Variants in MICU1 observed in about 807,000 individuals in gnomAD.
MICU1 encodes the protein mitochondrial calcium uptake 1.
MICU1 carries 45 observed loss-of-function variants against 56.8 expected under a neutral mutation model. The ratio of observed to expected loss-of-function variants is 0.79; its 90% confidence interval spans 0.62 to 1.02. The LOEUF (loss-of-function observed/expected upper bound fraction) is 1.02. MICU1 is among the 50% of genes least tolerant of loss of function. The pLI is 0.00. For missense variants in MICU1, 504 were observed against 587.1 expected, an observed-to-expected ratio of 0.86 and a Z score of 1.46; for synonymous variants, 186 against 195.1, an observed-to-expected ratio of 0.95 and a Z score of 0.39.
chr10:72,543,729 C>A (rs1839830137), intron 4 of MICU1, among the ~76,000 whole-genome samples: 1 of 151,986 alleles, frequency 6.6e-6, no homozygotes, highest in Non-Finnish European at 1.5e-5. Context: ...GTGGCAGGCG[C>A]CTGTAGTCCC....
intron 6 of MICU1, among the ~76,000 whole-genome samples, chr10:72,478,642 CT>C (rs1866195262): frequency 6.6e-6 from 1 of 152,190 alleles, no homozygotes. Context: ...TCCCATCCTG[CT>C]CATGAATTTG....
intron 2 of MICU1, among the ~76,000 whole-genome samples, chr10:72,564,375 T>C (rs1434202889): frequency 1.3e-5 from 2 of 151,848 alleles, no homozygotes; most frequent in African/African-American, 4.8e-5. Context: ...AAACCATCTC[T>C]ACTAAAAATA....
Position 72,470,045 on chromosome 10 carries a change from C to T in MICU1, c.933+5055G>A, listed in dbSNP as rs146597000. 2.8e-3 allele frequency among the ~76,000 whole-genome samples: 420 copies of T among 152,262 alleles called. 1 individual carries two copies. Among genetic ancestry groups the T allele is most frequent in the African/African-American group, 9.6e-3 (399 of 41,570 alleles). ...GAGATACTGGGGGTTGGGACATCAACGTAGGAATTTTGGAATTTTGATGGG... is the reference window on the plus strand; with the variant it reads ...GAGATACTGGGGGTTGGGACATCAATGTAGGAATTTTGGAATTTTGATGGG... On this transcript the variant is annotated intron_variant, in intron 8 of 11. Coordinates refer to ENST00000361114, the MANE Select transcript of MICU1 (RefSeq NM_001195518.2).
chr10:72,511,179 G>A (rs1867436636), intron 5 of MICU1, among the ~76,000 whole-genome samples: 1 of 152,014 alleles, frequency 6.6e-6, no homozygotes, highest in Non-Finnish European at 1.5e-5. Flanking sequence ...TTTTAGGTTT[G>A]GCTTCTTTCA....
chr10:72,428,767 A>T (rs536053032), intron 8 of MICU1, among the ~76,000 whole-genome samples: 51 of 152,336 alleles, frequency 3.3e-4, no homozygotes, highest in African/African-American at 1.2e-3. Flanking sequence ...TTAATGCATG[A>T]ATTTATTACA....
chr10:72,484,120 A>G (rs1456389869), intron 6 of MICU1, among the ~76,000 whole-genome samples: 2 of 152,332 alleles, frequency 1.3e-5, no homozygotes, highest in African/African-American at 2.4e-5. Flanking sequence ...ATGAAACTGT[A>G]CTACAGGGGG....
rs1388527897 is a variant in MICU1 at position 72,500,257 on chromosome 10, CATACATATATATATATATATATAT to C, written c.652+7874_652+7897del. 6.6e-3 allele frequency among the ~76,000 whole-genome samples: 315 copies of C among 47,738 alleles called. 17 individuals carry two copies. Among genetic ancestry groups the C allele is most frequent in the Middle Eastern group, 0.013 (1 of 78 alleles). The allele number at this position is 47,738 out of a possible 152,430, so 31.3% of individuals were successfully genotyped here. ...TGATAAACTATTATATACATACATA[CATACATATATATATATATATATAT>C]ATATATATATATATATATATATTTT... On this transcript the variant is annotated intron_variant, in intron 6 of 11. Transcript: ENST00000361114.
intron 8 of MICU1, among the ~76,000 whole-genome samples, chr10:72,444,195 G>A (rs1257438203): frequency 5.3e-5 from 8 of 151,526 alleles, no homozygotes; most frequent in Admixed American, 5.3e-4. Context: ...ACACAGGAGG[G>A]GGAACATCAC....
chr10:72,596,854 C>T (rs1841394058), intron 1 of MICU1, among the ~76,000 whole-genome samples: 1 of 145,446 alleles, frequency 6.9e-6, no homozygotes, highest in Admixed American at 7.0e-5. Context: ...GCCTGGGTGA[C>T]AGAGGAAGAC....
chr10:72,408,311 T>C (rs977876668), intron 9 of MICU1, among the ~76,000 whole-genome samples: 2 of 152,054 alleles, frequency 1.3e-5, no homozygotes, highest in Non-Finnish European at 2.9e-5. Context: ...AATGAAAATA[T>C]TTCTTCTTTT....
chr10:72,456,239 C>T (rs1191180360), intron 8 of MICU1, among the ~76,000 whole-genome samples: 1 of 152,178 alleles, frequency 6.6e-6, no homozygotes, highest in African/African-American at 2.4e-5. Context: ...ACACAGCCCT[C>T]CTGAGGCTAA....
intron 9 of MICU1, among the ~76,000 whole-genome samples, chr10:72,421,965 A>G (rs951164202): frequency 6.6e-6 from 1 of 152,116 alleles, no homozygotes; most frequent in African/African-American, 2.4e-5. Flanking sequence ...AGAACCTTCT[A>G]TACAAACTAG....
chr10:72,608,093 G>T (rs1024486228), intron 1 of MICU1, among the ~76,000 whole-genome samples: 2 of 151,948 alleles, frequency 1.3e-5, no homozygotes, highest in African/African-American at 4.8e-5. Context: ...TTGAGACAGG[G>T]TGTCTCACTG....
At position 72,613,630 on chromosome 10, in the gene MICU1, A is replaced by C. The variant is rs56204734; in HGVS notation, c.-2+12380T>G. Among the ~76,000 whole-genome samples the C allele has an allele frequency of 3.4e-3, 516 of 152,174 alleles. 3 individuals are homozygous for C. The highest frequency in any genetic ancestry group is 0.011 in the African/African-American group (470 of 41,524). On this transcript the variant is annotated intron_variant, in intron 1 of 11. Coordinates refer to ENST00000361114, the MANE Select transcript of MICU1 (RefSeq NM_001195518.2). ...ACACAACTACAATATTTTCTCCTACATAACTACATTATCAAATTTATTCAA... is the reference window on the plus strand; with the variant it reads ...ACACAACTACAATATTTTCTCCTACCTAACTACATTATCAAATTTATTCAA...
chr10:72,507,597 A>G (rs1383480481), intron 6 of MICU1, among the ~76,000 whole-genome samples: 1 of 152,234 alleles, frequency 6.6e-6, no homozygotes, highest in African/African-American at 2.4e-5. Context: ...TCACCTTGAC[A>G]GAATACAGAG....
At chr10:72,605,710 A>G (rs1172744834) in intron 1 of MICU1, among the ~76,000 whole-genome samples, 1 of 152,236 alleles carries the variant, frequency 6.6e-6, no homozygotes, top group Non-Finnish European at 1.5e-5. Flanking sequence ...GAGGATGTGC[A>G]TAGGTTATAC....
At chr10:72,437,183 A>G (rs898186746) in intron 8 of MICU1, among the ~76,000 whole-genome samples, 2 of 152,244 alleles carry the variant, frequency 1.3e-5, no homozygotes, top group Non-Finnish European at 2.9e-5. Flanking sequence ...GACCCATCAG[A>G]CTAACAGCAG....
chr10:72,600,292 C>CA lies in MICU1; in HGVS notation c.-2+25717dup, dbSNP rs57782974. ...GGGTGACAAGAGTGAAACTCCATCT[C>CA]AAAAAAAAAAAAAAAAAGATCTACA... is the stretch of plus-strand genomic sequence containing the variant. On this transcript the variant is annotated intron_variant, in intron 1 of 11. Coordinates refer to ENST00000361114, the MANE Select transcript of MICU1 (RefSeq NM_001195518.2). 4.2e-3 allele frequency among the ~76,000 whole-genome samples: 511 copies of CA among 122,350 alleles called. 4 individuals are homozygous for CA. Among genetic ancestry groups the CA allele is most frequent in the Middle Eastern group, 0.013 (3 of 238 alleles). The allele number at this position is 122,350 out of a possible 152,430, so 80.3% of individuals were successfully genotyped here. A position where few individuals can be genotyped will look rare whatever the true frequency, so the allele number is the denominator to read the frequency against.
rs1192065070 is a variant in MICU1, at chr10:72,508,201, C to T, written c.606G>A (p.Gly202=). ...GSIFYTLGEC[G]LISFSDYIFL... ...AAATGTAGTCTGAAAAGGATATGAG[C>T]CCACATTCTCCAAGGGTGTAAAATA... The change falls in exon 6 of 12, where the codon GGG becomes GGA. Residue 202 remains glycine, a synonymous_variant. Coordinates refer to ENST00000361114, the MANE Select transcript of MICU1 (RefSeq NM_001195518.2). 1 of 1,549,542 alleles carries T rather than the reference C, an allele frequency of 6.5e-7. No homozygotes were observed. Among genetic ancestry groups the T allele is most frequent in the Non-Finnish European group, 8.8e-7 (1 of 1,137,426 alleles).
Sources: gnomAD v4.1 joint callset for allele counts (sites outside exome capture counted in the v4.1 genomes callset) on GRCh38, gnomAD v4.1.1 for gene constraint, MANE v1.5 for transcripts, NCBI Gene and HGNC (gene_info 2026-07-23, HGNC 2026-07-21) for gene names.